MRFAP1L1: variants seen among roughly 807,000 people sequenced by gnomAD.
MRFAP1L1 encodes the protein MORF4 family-associated protein 1-like 1.
In MRFAP1L1, 9 loss-of-function variants were observed where a neutral mutation model predicts 10.6. The ratio of observed to expected loss-of-function variants is 0.85; its 90% CI spans 0.51 to 1.48. The LOEUF is 1.48. MRFAP1L1 is among the 40% of genes most tolerant of loss of function. The pLI is 0.00. For missense variants in MRFAP1L1, 177 were observed against 171.4 expected (o/e 1.03, Z -0.18); for synonymous variants, 78 against 70.4 (o/e 1.11, Z -0.54).
rs1187578257 is a variant in MRFAP1L1 at position 6,708,245 on chromosome 4, T to C, written c.*414A>G. 6.5e-6 allele frequency: 1 copy of C among 152,698 alleles called. No individual in the cohort carries two copies. The highest frequency in any genetic ancestry group is 1.5e-5 in the Non-Finnish European group (1 of 68,054). 9.5% of individuals were successfully genotyped at this position (152,698 alleles called of 1,614,324 possible). On this transcript the variant is annotated 3_prime_UTR_variant, in exon 2 of 2. Transcript: ENST00000320848. ...CACCAGGCTCAACCAAGTAGCGTAG[T>C]GTCTTCCATTGCACCTCTAAAGTTG...
intron 1 of MRFAP1L1, chr4:6,709,019 G>T: frequency 3.5e-6 from 2 of 578,508 alleles, no homozygotes; most frequent in South Asian, 2.1e-5. Context: ...CAGCGTGGGA[G>T]GGAGAGGCCA....
chr4:6,709,647 T>C lies in MRFAP1L1; in HGVS notation c.-18A>G. ...GGCCGCATCTCCTCCTGCCGCTTCC[T>C]CAGTACCGCAGTAGGGGCGTTCTTC... On this transcript the variant is annotated 5_prime_UTR_variant, in exon 1 of 2. Transcript: ENST00000320848. The C allele has an allele frequency of 6.2e-7, 1 of 1,606,270 alleles. No homozygotes were observed. The highest frequency in any genetic ancestry group is 8.5e-7 in the Non-Finnish European group (1 of 1,174,198).
In MRFAP1L1 at chr4:6,709,718, G is replaced by A. The variant is rs1196458836; in HGVS notation, c.-89C>T. 6.7e-7 allele frequency: 1 copy of A among 1,499,210 alleles called. No individual in the cohort carries two copies. The highest frequency in any genetic ancestry group is 9.0e-7 in the Non-Finnish European group (1 of 1,112,308). 92.9% of individuals were successfully genotyped at this position (1,499,210 alleles called of 1,614,324 possible). A position where few individuals can be genotyped will look rare whatever the true frequency, so the allele number is the denominator to read the frequency against. On this transcript the variant is annotated 5_prime_UTR_variant, in exon 1 of 2. Transcript: ENST00000320848. ...CTGGAGATCAGCAGTTACTGCTGGA[G>A]GCTGAGCGACCCACACGCTTTGTCA...
Position 6,707,827 on chromosome 4 carries a change from T to C in MRFAP1L1, c.*832A>G, listed in dbSNP as rs1714639648. ...GGCAAATTAACACTTATTATACTTTTGACTTTGACCTCCAATCTGACAGGT... is the reference window on the plus strand; with the variant it reads ...GGCAAATTAACACTTATTATACTTTCGACTTTGACCTCCAATCTGACAGGT... On this transcript the variant is annotated 3_prime_UTR_variant, in exon 2 of 2. Transcript: ENST00000320848. The C allele has an allele frequency of 6.6e-6, 1 of 152,346 alleles. No individual in the cohort carries two copies. The highest frequency in any genetic ancestry group is 1.5e-5 in the Non-Finnish European group (1 of 68,030). 9.4% of individuals were successfully genotyped at this position (152,346 alleles called of 1,614,324 possible). A position where few individuals can be genotyped will look rare whatever the true frequency, so the allele number is the denominator to read the frequency against.
In MRFAP1L1 at chr4:6,709,145, A is replaced by G. The variant is rs541780774; in HGVS notation, c.*15+86T>C. On this transcript the variant is annotated intron_variant, in intron 1 of 1. Transcript: ENST00000320848. ...AATAAAATGGGGGATGCAGGCCTAGAACATAACTTTTTACAGGGCGCGGTT... is the reference window on the plus strand; with the variant it reads ...AATAAAATGGGGGATGCAGGCCTAGGACATAACTTTTTACAGGGCGCGGTT... 6.5e-5 allele frequency: 93 copies of G among 1,438,412 alleles called. No homozygotes were observed. The African/African-American group carries it at 1.3e-3, about 20-fold the overall frequency. 89.1% of individuals were successfully genotyped at this position (1,438,412 alleles called of 1,614,324 possible). A position where few individuals can be genotyped will look rare whatever the true frequency, so the allele number is the denominator to read the frequency against.
chr4:6,709,260 TTC>T lies in MRFAP1L1; in HGVS notation c.368_369del (p.Arg123LysfsTer21). On this transcript the variant is annotated frameshift_variant, in exon 1 of 2. Coordinates refer to ENST00000320848, the MANE Select transcript of MRFAP1L1 (RefSeq NM_203462.3). LOFTEE classifies it high-confidence loss of function. ...GATCTCCTCCTTCAAGAAGACTCGCTTCTCTCTATTCGCCAGACGAGCTCGAC... is the reference window on the plus strand; with the variant it reads ...GATCTCCTCCTTCAAGAAGACTCGCTTCTCTATTCGCCAGACGAGCTCGAC... ...MLVELVWRIE[R>X]SESS 2 of 1,613,634 alleles carry T rather than the reference TTC, an allele frequency of 1.2e-6. No homozygotes were observed. Among genetic ancestry groups the T allele is most frequent in the Non-Finnish European group, 1.7e-6 (2 of 1,179,534 alleles).
chr4:6,709,766 AT>A lies in MRFAP1L1; in HGVS notation c.-138del, dbSNP rs567156332. 5.4e-4 allele frequency: 622 copies of A among 1,158,348 alleles called. No homozygotes were observed. In the Middle Eastern group the frequency reaches 6.3e-3, roughly 12 times the overall value. 71.8% of individuals were successfully genotyped at this position (1,158,348 alleles called of 1,614,324 possible). A position where few individuals can be genotyped will look rare whatever the true frequency, so the allele number is the denominator to read the frequency against. On this transcript the variant is annotated 5_prime_UTR_variant, in exon 1 of 2. Transcript: ENST00000320848. ...TCAATTGTACTCCCGAATTATCTTT[AT>A]TTTTTTTTCTTCCTTTTAATTGTAA...
rs1331416137 is a variant in MRFAP1L1, at chr4:6,709,854, C to G, written c.-225G>C. 1.6e-6 allele frequency: 1 copy of G among 618,244 alleles called. No individual in the cohort carries two copies. The highest frequency in any genetic ancestry group is 1.8e-5 in the African/African-American group (1 of 54,242). 38.3% of individuals were successfully genotyped at this position (618,244 alleles called of 1,614,324 possible). On this transcript the variant is annotated 5_prime_UTR_variant, in exon 1 of 2. Coordinates refer to ENST00000320848, the MANE Select transcript of MRFAP1L1 (RefSeq NM_203462.3). The stretch of plus-strand genomic sequence containing the variant: ...TGGATGCACACAAATAAGCGGCCTA[C>G]AAAATGGAGTCGCAGCCGTCAACTC...
At chr4:6,709,187 G>T in intron 1 of MRFAP1L1, 44 bp downstream of exon 1, 1 of 1,584,712 alleles carries the variant, frequency 6.3e-7, no homozygotes, top group South Asian at 1.1e-5. Flanking sequence ...TGCTTAGGGC[G>T]ACTACTGAGT....
In MRFAP1L1 at chr4:6,709,380, G is replaced by A. The variant is rs3207110; in HGVS notation, c.250C>T (p.His84Tyr). The A allele has an allele frequency of 6.2e-7, 1 of 1,614,288 alleles. No individual in the cohort carries two copies. Among genetic ancestry groups the A allele is most frequent in the East Asian group, 2.2e-5 (1 of 44,896 alleles). ...SEESALNHVQ[H>Y]PSGEADERVS... ...CTCTCGTCGGCTTCGCCACTCGGGTGCTGCACGTGATTGAGGGCGCTCTCC... is the reference window on the plus strand; with the variant it reads ...CTCTCGTCGGCTTCGCCACTCGGGTACTGCACGTGATTGAGGGCGCTCTCC... Residue 84 changes from histidine to tyrosine, a missense_variant, in exon 1 of 2, where the codon CAC becomes TAC. Coordinates refer to ENST00000320848, the MANE Select transcript of MRFAP1L1 (RefSeq NM_203462.3).
chr4:6,709,376 G>C lies in MRFAP1L1; in HGVS notation c.254C>G (p.Pro85Arg), dbSNP rs748125117. The C allele has an allele frequency of 1.9e-6, 3 of 1,614,114 alleles. No homozygotes were observed. The highest frequency in any genetic ancestry group is 1.7e-5 in the Admixed American group (1 of 60,004). The change falls in exon 1 of 2, where the codon CCG becomes CGG. Residue 85 changes from proline to arginine, a missense_variant. Transcript: ENST00000320848. ...CACTCTCTCGTCGGCTTCGCCACTC[G>C]GGTGCTGCACGTGATTGAGGGCGCT... ...EESALNHVQH[P>R]SGEADERVSE... is the part of the protein sequence containing the mutation.
In MRFAP1L1 at chr4:6,707,761, T is replaced by A. The variant is rs1451797328; in HGVS notation, c.*898A>T. The A allele has an allele frequency of 1.3e-5, 2 of 152,136 alleles. No individual in the cohort carries two copies. The highest frequency in any genetic ancestry group is 2.9e-5 in the Non-Finnish European group (2 of 68,008). 9.4% of individuals were successfully genotyped at this position (152,136 alleles called of 1,614,324 possible). ...GGGCTTTGGTCATGTGAACAAAAAATTTATTTCTTAAAAAAGGCTTTTTAG... is the reference window on the plus strand; with the variant it reads ...GGGCTTTGGTCATGTGAACAAAAAAATTATTTCTTAAAAAAGGCTTTTTAG... On this transcript the variant is annotated 3_prime_UTR_variant, in exon 2 of 2. Transcript: ENST00000320848.
In MRFAP1L1 at chr4:6,709,605, C is replaced by G. The variant is rs756171478; in HGVS notation, c.25G>C (p.Val9Leu). 1 of 1,613,508 alleles carries G rather than the reference C, an allele frequency of 6.2e-7. No individual in the cohort carries two copies. The highest frequency in any genetic ancestry group is 1.1e-5 in the South Asian group (1 of 91,082). Residue 9 changes from valine to leucine, a missense_variant, in exon 1 of 2, where the codon GTG becomes CTG. Physicochemically the swap from Val to Leu is conservative, Grantham distance 32. Transcript: ENST00000320848. ...ACCTCCACTTCCTCAGGCGCTTCCA[C>G]CTCGTCTATGTCCAGGGGCCGCATC... is the stretch of plus-strand genomic sequence containing the variant. Reference protein sequence around the residue: MRPLDIDEVEAPEEVEVLE... With the variant: MRPLDIDELEAPEEVEVLE...
rs1267605975 is a variant in MRFAP1L1, at chr4:6,708,389, G to A, written c.*270C>T. The A allele has an allele frequency of 1.3e-5, 2 of 152,206 alleles. No homozygotes were observed. The highest frequency in any genetic ancestry group is 4.8e-5 in the African/African-American group (2 of 41,448). The allele number at this position is 152,206 out of a possible 1,614,324, so 9.4% of individuals were successfully genotyped here. ...ACACAGCGAAGTAACAAGAATAAAC[G>A]TGACCACAAAAACAACTTAATTAAG... On this transcript the variant is annotated 3_prime_UTR_variant, in exon 2 of 2. Transcript: ENST00000320848.
chr4:6,709,429 G>T lies in MRFAP1L1; in HGVS notation c.201C>A (p.Ile67=). Residue 67 remains isoleucine (I), a synonymous_variant, in exon 1 of 2, where the codon ATC becomes ATA. Transcript: ENST00000320848. ...LWEMDNMLIQ[I]KTQVEASEES... is the part of the protein sequence containing the mutation. ...CCTCCGAGGCCTCCACCTGCGTTTT[G>T]ATCTGGATAAGCATATTGTCCATCT... 1.2e-6 allele frequency: 2 copies of T among 1,614,268 alleles called. No individual in the cohort carries two copies. The highest frequency in any genetic ancestry group is 2.2e-5 in the South Asian group (2 of 91,088).
In MRFAP1L1 at chr4:6,709,247, CAAG is replaced by C; in HGVS notation, c.380_382del (p.Ser127del). ...CGACCTTACCACCGATCTCCTCCTT[CAAG>C]AAGACTCGCTTCTCTCTATTCGCCA... On this transcript the variant is annotated inframe_deletion, in exon 1 of 2. Transcript: ENST00000320848. 1 of 1,612,782 alleles carries C rather than the reference CAAG, an allele frequency of 6.2e-7. No homozygotes were observed. Among genetic ancestry groups the C allele is most frequent in the Non-Finnish European group, 8.5e-7 (1 of 1,178,740 alleles).
Position 6,709,745 on chromosome 4 carries a change from T to G in MRFAP1L1, c.-116A>C. 7.7e-7 allele frequency: 1 copy of G among 1,299,690 alleles called. No individual in the cohort carries two copies. Among genetic ancestry groups the G allele is most frequent in the Non-Finnish European group, 1.1e-6 (1 of 947,620 alleles). The allele number at this position is 1,299,690 out of a possible 1,614,324, so 80.5% of individuals were successfully genotyped here. A position where few individuals can be genotyped will look rare whatever the true frequency, so the allele number is the denominator to read the frequency against. On this transcript the variant is annotated 5_prime_UTR_variant, in exon 1 of 2. Transcript: ENST00000320848. ...CTGAGCGACCCACACGCTTTGTCAA[T>G]TGTACTCCCGAATTATCTTTATTTT...
chr4:6,709,413 C>A lies in MRFAP1L1; in HGVS notation c.217G>T (p.Ala73Ser), dbSNP rs368965122. 31 of 1,614,148 alleles carry A rather than the reference C, an allele frequency of 1.9e-5. 1 individual carries two copies. In the African/African-American group the frequency reaches 2.9e-4, roughly 15 times the overall value. The change falls in exon 1 of 2, where the codon GCC becomes TCC. Residue 73 changes from alanine (A) to serine (S), a missense_variant. Ala to Ser is a moderately conservative substitution (Grantham distance 99). Coordinates refer to ENST00000320848, the MANE Select transcript of MRFAP1L1 (RefSeq NM_203462.3). Reference sequence around the variant, plus strand: ...TGATTGAGGGCGCTCTCCTCCGAGGCCTCCACCTGCGTTTTGATCTGGATA... The same window carrying A: ...TGATTGAGGGCGCTCTCCTCCGAGGACTCCACCTGCGTTTTGATCTGGATA... ...MLIQIKTQVE[A>S]SEESALNHVQ... is the part of the protein sequence containing the mutation.
rs964817732 is a variant in MRFAP1L1 at position 6,708,144 on chromosome 4, C to T, written c.*515G>A. ...AGGAACTAAAGTTCCAAAATATATA[C>T]AAAACCATCTTCCATCTCCAACTGT... On this transcript the variant is annotated 3_prime_UTR_variant, in exon 2 of 2. Transcript: ENST00000320848. 1 of 152,664 alleles carries T rather than the reference C, an allele frequency of 6.6e-6. No individual in the cohort carries two copies. Among genetic ancestry groups the T allele is most frequent in the Admixed American group, 6.5e-5 (1 of 15,280 alleles). The allele number at this position is 152,664 out of a possible 1,614,324, so 9.5% of individuals were successfully genotyped here. A position where few individuals can be genotyped will look rare whatever the true frequency, so the allele number is the denominator to read the frequency against.
Sources: allele counts gnomAD v4.1 joint callset, GRCh38; gene constraint gnomAD v4.1.1; transcripts MANE v1.5; gene names NCBI Gene and HGNC (gene_info 2026-07-23, HGNC 2026-07-21).